CUX1: variants seen among roughly 807,000 people sequenced by gnomAD.
CUX1 encodes cut like homeobox 1, also known as protein CASP.
Under a neutral mutation model 158.8 loss-of-function variants are expected in CUX1, and 31 were observed. The ratio of observed to expected loss-of-function variants is 0.20; its 90% CI spans 0.15 to 0.26. The LOEUF (loss-of-function observed/expected upper bound fraction) is 0.26, where lower values mean the gene tolerates loss of function less well. Among genes scored for constraint, CUX1 ranks in the 10% least tolerant of loss-of-function variants. CUX1 has a pLI of 1.00. For synonymous variants in CUX1, 879 were observed against 862.1 expected (o/e 1.02, Z -0.34); for missense variants, 1,589 against 2,014.6 (o/e 0.79, Z 4.04).
At chr7:102,233,967 C>T in intron 21 of CUX1, 85 bp from the exon 22 acceptor site, 1 of 1,150,866 alleles carries the variant, frequency 8.7e-7, no homozygotes, top group Non-Finnish European at 1.2e-6. Flanking sequence ...ACTCCTGTGT[C>T]TGATTTTAAC....
chr7:102,230,977 C>T (rs1461251161), intron 21 of CUX1, among the ~76,000 whole-genome samples: 1 of 151,794 alleles, frequency 6.6e-6, no homozygotes, highest in Non-Finnish European at 1.5e-5. Context: ...CCTCCCACCT[C>T]AGCCTACTGA....
chr7:102,257,724 T>G lies in CUX1; in HGVS notation c.*8682T>G, dbSNP rs1790049108. 2.3e-6 allele frequency: 2 copies of G among 852,762 alleles called. No homozygotes were observed. The highest frequency in any genetic ancestry group is 2.8e-6 in the Non-Finnish European group (2 of 709,910). The allele number at this position is 852,762 out of a possible 1,614,324, so 52.8% of individuals were successfully genotyped here. On this transcript the variant is annotated 3_prime_UTR_variant, in exon 24 of 24. Transcript: ENST00000292535. Reference sequence around the variant, plus strand: ...TCAGCTCCCCCCACCCCACCCCCACTCTAGCGTTTTGTCACGTCTTACATT... The same window carrying G: ...TCAGCTCCCCCCACCCCACCCCCACGCTAGCGTTTTGTCACGTCTTACATT...
intron 2 of CUX1, among the ~76,000 whole-genome samples, chr7:101,957,726 TTAAAAAATAAAA>T (rs1480271673): frequency 3.7e-4 from 56 of 152,238 alleles, no homozygotes; most frequent in African/African-American, 1.3e-3. Context: ...ATTCCATCTC[TTAAAAAATAAAA>T]TAATTTAAAA....
chr7:101,965,691 C>CA (rs1218328838), intron 2 of CUX1, among the ~76,000 whole-genome samples: 33 of 150,736 alleles, frequency 2.2e-4, no homozygotes, highest in Admixed American at 3.3e-4. Flanking sequence ...ACTAAAAATA[C>CA]AAAAAAAATT....
In CUX1 at chr7:101,817,707, G is replaced by A; in HGVS notation, c.30+38G>A. Reference sequence around the variant, plus strand: ...TGGGCCAGAAGTCCCGAGGTTGCAGGCGCGGAGGGAACCGGGGATGTCGGG... The same window carrying A: ...TGGGCCAGAAGTCCCGAGGTTGCAGACGCGGAGGGAACCGGGGATGTCGGG... On this transcript the variant is annotated intron_variant, in intron 1 of 23. Transcript: ENST00000292535. The surrounding 1 kb of genome is among the most constrained non-coding windows in gnomAD (Gnocchi z 4.1). 1 of 1,547,904 alleles carries A rather than the reference G, an allele frequency of 6.5e-7. No homozygotes were observed. The highest frequency in any genetic ancestry group is 8.7e-7 in the Non-Finnish European group (1 of 1,146,048).
chr7:102,172,865 C>T (rs569267593), intron 10 of CUX1, among the ~76,000 whole-genome samples: 2 of 152,260 alleles, frequency 1.3e-5, no homozygotes, highest in East Asian at 1.9e-4. Context: ...AGTTTGAGAC[C>T]GGCCAGGGCA....
chr7:101,955,097 G>A (rs902399073), intron 2 of CUX1, among the ~76,000 whole-genome samples: 1 of 151,918 alleles, frequency 6.6e-6, no homozygotes, highest in East Asian at 1.9e-4. Context: ...CCCTGGTGGC[G>A]GAGGTTGCAG....
At position 101,850,625 on chromosome 7, in the gene CUX1, C is replaced by T. The variant is rs568998623; in HGVS notation, c.30+32956C>T. On this transcript the variant is annotated intron_variant, in intron 1 of 23. Coordinates refer to ENST00000292535, the MANE Select transcript of CUX1 (RefSeq NM_181552.4). ...GAACTCCTGGGCTCAAGCAATCCTCCCGCCTCCGCCTCCCAAAAAGCTGGG... is the reference window on the plus strand; with the variant it reads ...GAACTCCTGGGCTCAAGCAATCCTCTCGCCTCCGCCTCCCAAAAAGCTGGG... Among the ~76,000 whole-genome samples the T allele has an allele frequency of 5.9e-5, 9 of 152,154 alleles. No homozygotes were observed. The East Asian group carries it at 1.7e-3, about 29-fold the overall frequency.
At chr7:101,940,242 GAAAA>G (rs61429755) in intron 2 of CUX1, among the ~76,000 whole-genome samples, 1 of 140,340 alleles carries the variant, frequency 7.1e-6, no homozygotes, top group Non-Finnish European at 1.5e-5. Context: ...CCTGTCTCAG[GAAAA>G]AAAAAAAAAA....
At chr7:101,890,161 G>A (rs1019685741) in intron 1 of CUX1, among the ~76,000 whole-genome samples, 19 of 152,218 alleles carry the variant, frequency 1.2e-4, no homozygotes, top group African/African-American at 3.4e-4. Flanking sequence ...GAAGGCCAGC[G>A]TGGGATAATC....
chr7:102,252,386 G>GACCCCCTTCCTCTTCAC lies in CUX1; in HGVS notation c.*3345_*3361dup. On this transcript the variant is annotated 3_prime_UTR_variant, in exon 24 of 24. Transcript: ENST00000292535. ...CAAGCAGTGGCCCCCGCAGGCAGCC[G>GACCCCCTTCCTCTTCAC]ACCCCCTTCCTCTTCACGCTCTATG... The GACCCCCTTCCTCTTCAC allele has an allele frequency of 1.0e-6, 1 of 985,476 alleles. No homozygotes were observed. 61.0% of individuals were successfully genotyped at this position (985,476 alleles called of 1,614,324 possible). A position where few individuals can be genotyped will look rare whatever the true frequency, so the allele number is the denominator to read the frequency against.
intron 3 of CUX1, among the ~76,000 whole-genome samples, chr7:102,066,636 G>A (rs1355446046): frequency 6.6e-6 from 1 of 152,186 alleles, no homozygotes; most frequent in Non-Finnish European, 1.5e-5. Flanking sequence ...AAGCCAGAAA[G>A]AGAAGCCTCT....
intron 20 of CUX1, among the ~76,000 whole-genome samples, chr7:102,207,698 C>A (rs1466615002): frequency 7.2e-5 from 11 of 152,306 alleles, no homozygotes; most frequent in East Asian, 5.8e-4. Flanking sequence ...GTGATCCCCC[C>A]ACCTTGGCCT....
intron 2 of CUX1, among the ~76,000 whole-genome samples, chr7:101,946,950 G>GGA (rs1585059441): frequency 1.3e-5 from 2 of 152,136 alleles, no homozygotes; most frequent in East Asian, 3.8e-4. Context: ...CAGTGCACAG[G>GGA]GAGAGGAGCC....
intron 2 of CUX1, among the ~76,000 whole-genome samples, chr7:102,011,165 T>G (rs1817962412): frequency 6.6e-6 from 1 of 152,152 alleles, no homozygotes; most frequent in Non-Finnish European, 1.5e-5. Flanking sequence ...GGTCTCTTTG[T>G]TCGAGTAAGC....
intron 1 of CUX1, among the ~76,000 whole-genome samples, chr7:101,825,753 CTGTGTGTGTGTGTG>C (rs537662700): frequency 3.9e-5 from 5 of 129,454 alleles, no homozygotes; most frequent in African/African-American, 5.7e-5. Flanking sequence ...TTAATGAAAT[CTGTGTGTGTGTGTG>C]TGTGTGTGTG....
At chr7:102,277,925 C>T (rs1242721486) in intron 17 of CUX1, 6 of 1,037,188 alleles carry the variant, frequency 5.8e-6, no homozygotes, top group African/African-American at 1.6e-5. Flanking sequence ...TCCCCCACCC[C>T]TTTCCTTGCC....
chr7:102,101,708 G>A (rs540788378), intron 5 of CUX1, among the ~76,000 whole-genome samples: 7 of 152,160 alleles, frequency 4.6e-5, no homozygotes, highest in African/African-American at 1.2e-4. Context: ...TCAGGAGTTC[G>A]AGACCAGCCT....
intron 1 of CUX1, among the ~76,000 whole-genome samples, chr7:101,841,158 G>T (rs937623334): frequency 5.9e-5 from 9 of 152,290 alleles, no homozygotes; most frequent in Non-Finnish European, 1.3e-4. Context: ...CTCCCAAAGT[G>T]CTGGGATTAC....
Sources: allele counts gnomAD v4.1 joint callset (sites outside exome capture counted in the v4.1 genomes callset), GRCh38; gene constraint gnomAD v4.1.1; non-coding constraint Gnocchi (gnomAD v3.1); transcripts MANE v1.5; gene names NCBI Gene and HGNC (gene_info 2026-07-23, HGNC 2026-07-21).